The following UBE2E2 variants were observed in gnomAD, a reference collection of about 807,000 sequenced individuals.
UBE2E2 encodes ubiquitin conjugating enzyme E2 E2.
Under a neutral mutation model 24.7 loss-of-function variants are expected in UBE2E2, and 6 were observed. That is an observed-to-expected ratio of 0.24 (90% confidence interval 0.13 to 0.48). UBE2E2 has a LOEUF of 0.48. UBE2E2 is among the 20% of genes least tolerant of loss of function. UBE2E2 has a pLI of 0.99. For synonymous variants in UBE2E2, 104 were observed against 83.6 expected (o/e 1.24, Z -1.33); for missense variants, 169 against 245.0 (o/e 0.69, Z 2.07).
intron 4 of UBE2E2, among the ~76,000 whole-genome samples, chr3:23,522,809 C>T (rs1044559660): frequency 6.6e-6 from 1 of 151,934 alleles, no homozygotes; most frequent in Non-Finnish European, 1.5e-5. Context: ...ACAGTCTAGT[C>T]TCAAACTAGT....
At chr3:23,550,480 T>A (rs184664299) in intron 5 of UBE2E2, among the ~76,000 whole-genome samples, 1 of 152,308 alleles carries the variant, frequency 6.6e-6, no homozygotes, top group East Asian at 1.9e-4. Flanking sequence ...TTATATTAGA[T>A]AACAAAACTC....
At chr3:23,274,449 T>C (rs1698328898) in intron 3 of UBE2E2, among the ~76,000 whole-genome samples, 1 of 152,044 alleles carries the variant, frequency 6.6e-6, no homozygotes, top group African/African-American at 2.4e-5. Context: ...CACTGCATCC[T>C]AGCTCAGCAG....
intron 3 of UBE2E2, among the ~76,000 whole-genome samples, chr3:23,428,044 TCAA>T (rs753631799): frequency 1.6e-4 from 24 of 152,202 alleles, no homozygotes; most frequent in Non-Finnish European, 1.5e-4. Context: ...ATAGTTGACC[TCAA>T]CAGAATCATC....
At chr3:23,312,305 A>T (rs1694428297) in intron 3 of UBE2E2, among the ~76,000 whole-genome samples, 1 of 152,172 alleles carries the variant, frequency 6.6e-6, no homozygotes, top group Non-Finnish European at 1.5e-5. Flanking sequence ...AATGCATGAG[A>T]TATTTTGATG....
At chr3:23,475,579 A>G (rs1699112316) in intron 3 of UBE2E2, among the ~76,000 whole-genome samples, 1 of 152,068 alleles carries the variant, frequency 6.6e-6, no homozygotes. Context: ...AGGGTCATAT[A>G]TGCAAAGTGA....
chr3:23,382,425 G>A lies in UBE2E2; in HGVS notation c.228-117183G>A, dbSNP rs115702796. 5.9e-3 allele frequency among the ~76,000 whole-genome samples: 898 copies of A among 152,020 alleles called. 7 individuals are homozygous for A. The highest frequency in any genetic ancestry group is 0.021 in the African/African-American group (852 of 41,492). On this transcript the variant is annotated intron_variant, in intron 3 of 5. Coordinates refer to ENST00000396703, the MANE Select transcript of UBE2E2 (RefSeq NM_152653.4). ...TTGAACTCCCAACCTCGGGTAATCC[G>A]CCCACCTCAGCCTCCGAAAGTGCTA... is the stretch of plus-strand genomic sequence containing the variant.
intron 3 of UBE2E2, among the ~76,000 whole-genome samples, chr3:23,268,461 A>G (rs1448815753): frequency 1.7e-4 from 26 of 152,020 alleles, no homozygotes; most frequent in Non-Finnish European, 2.8e-4. Context: ...AATTGCTTCA[A>G]AGAGAAAAAA....
chr3:23,442,207 A>T (rs920112746), intron 3 of UBE2E2, among the ~76,000 whole-genome samples: 3 of 152,140 alleles, frequency 2.0e-5, no homozygotes, highest in Non-Finnish European at 4.4e-5. Context: ...GGTGAAGATC[A>T]GGCAGAACTG....
intron 5 of UBE2E2, among the ~76,000 whole-genome samples, chr3:23,567,582 C>G (rs1333668373): frequency 1.3e-5 from 2 of 152,028 alleles, no homozygotes; most frequent in East Asian, 3.9e-4. Context: ...ATATTAAACC[C>G]CAAAAAGTGG....
At chr3:23,573,901 A>G (rs1696281900) in intron 5 of UBE2E2, among the ~76,000 whole-genome samples, 1 of 152,172 alleles carries the variant, frequency 6.6e-6, no homozygotes, top group African/African-American at 2.4e-5. Flanking sequence ...CAACTCCTAG[A>G]CTTAAAAACT....
At chr3:23,466,419 A>G (rs1008731562) in intron 3 of UBE2E2, among the ~76,000 whole-genome samples, 6 of 152,186 alleles carry the variant, frequency 3.9e-5, no homozygotes, top group African/African-American at 1.4e-4. Flanking sequence ...GCATTCTGTA[A>G]TGAAAACTTT....
chr3:23,320,797 T>C (rs939979040), intron 3 of UBE2E2, among the ~76,000 whole-genome samples: 7 of 152,224 alleles, frequency 4.6e-5, no homozygotes, highest in African/African-American at 1.4e-4. Flanking sequence ...CCCCATCTCC[T>C]GTTAAGCTTT....
chr3:23,280,849 T>A lies in UBE2E2; in HGVS notation c.227+63537T>A, dbSNP rs1280774016. Among the ~76,000 whole-genome samples the A allele has an allele frequency of 6.6e-6, 1 of 152,202 alleles. No individual in the cohort carries two copies. Among genetic ancestry groups the A allele is most frequent in the African/African-American group, 2.4e-5 (1 of 41,442 alleles). ...AATTTTCTTAGAGAATATCTTAGTT[T>A]GGGCTGCTGTAACAGAATAAGTCTG... On this transcript the variant is annotated intron_variant, in intron 3 of 5. Coordinates refer to ENST00000396703, the MANE Select transcript of UBE2E2 (RefSeq NM_152653.4). This position sits in a 1 kb window ranked among gnomAD's most constrained non-coding sequence, Gnocchi z 4.3.
intron 3 of UBE2E2, among the ~76,000 whole-genome samples, chr3:23,285,935 G>C (rs1353235829): frequency 2.6e-5 from 4 of 152,176 alleles, no homozygotes; most frequent in Non-Finnish European, 5.9e-5. Flanking sequence ...GACTTCAAGT[G>C]ATCTGCCCAC....
At chr3:23,339,678 T>C (rs1023027701) in intron 3 of UBE2E2, among the ~76,000 whole-genome samples, 6 of 152,134 alleles carry the variant, frequency 3.9e-5, no homozygotes, top group South Asian at 2.1e-4. Flanking sequence ...TATGTTTAAA[T>C]TTTGATTCCT....
intron 3 of UBE2E2, among the ~76,000 whole-genome samples, chr3:23,404,403 A>T (rs889613816): frequency 6.6e-6 from 1 of 152,184 alleles, no homozygotes; most frequent in Non-Finnish European, 1.5e-5. Flanking sequence ...TCTGTAACAG[A>T]TATTAGTCAC....
At chr3:23,206,994 T>A (rs1021678441) in intron 1 of UBE2E2, among the ~76,000 whole-genome samples, 1 of 152,208 alleles carries the variant, frequency 6.6e-6, no homozygotes, top group Non-Finnish European at 1.5e-5. Flanking sequence ...TTTAAAGATA[T>A]ATTTTTTGCT....
intron 5 of UBE2E2, among the ~76,000 whole-genome samples, chr3:23,544,478 T>C (rs934043577): frequency 5.9e-5 from 9 of 152,098 alleles, no homozygotes; most frequent in Non-Finnish European, 1.5e-5. Flanking sequence ...ACCAGGGAAA[T>C]GCAAATTCAA....
intron 3 of UBE2E2, among the ~76,000 whole-genome samples, chr3:23,222,525 T>G (rs776136116): frequency 1.2e-4 from 18 of 152,080 alleles, no homozygotes; most frequent in Admixed American, 2.0e-4. Flanking sequence ...GATCTGATGG[T>G]TTTATAAGGG....
Sources: allele counts gnomAD v4.1 joint callset (sites outside exome capture counted in the v4.1 genomes callset), GRCh38; gene constraint gnomAD v4.1.1; non-coding constraint Gnocchi (gnomAD v3.1); transcripts MANE v1.5; gene names NCBI Gene and HGNC (gene_info 2026-07-23, HGNC 2026-07-21).